HDAC8: variants seen among roughly 807,000 people sequenced by gnomAD.
HDAC8 encodes the protein histone deacetylase 8.
A neutral mutation model predicts 32.2 loss-of-function variants in HDAC8; 1 was observed. The observed-to-expected ratio is 0.03, with a 90% CI of 0.01 to 0.15. HDAC8 has a LOEUF of 0.15. Ranked by LOEUF, HDAC8 falls within the 10% of genes least tolerant of loss-of-function variation. HDAC8 has a pLI of 1.00. For synonymous variants in HDAC8, 108 were observed against 113.9 expected (o/e 0.95, Z 0.33); for missense variants, 117 against 300.0 (o/e 0.39, Z 4.51).
At position 72,329,752 on chromosome X, in the gene HDAC8, A is replaced by G. The variant is rs782754088; in HGVS notation, c.*302T>C. 7 of 1,143,952 alleles carry G rather than the reference A, an allele frequency of 6.1e-6. No homozygotes were observed. The highest frequency in any genetic ancestry group is 2.8e-5 in the Admixed American group (1 of 36,235). The allele number at this position is 1,143,952 out of a possible 1,213,427, so 94.3% of individuals were successfully genotyped here. A position where few individuals can be genotyped will look rare whatever the true frequency, so the allele number is the denominator to read the frequency against. ...AGATGATTAAAATACTCCCCTCCCC[A>G]ATTCGCTTAAAAATAATTTTCAAAG... On this transcript the variant is annotated 3_prime_UTR_variant, in exon 11 of 11. Transcript: ENST00000373573.
rs904181310 is a variant in HDAC8 at position 72,363,731 on chromosome X, C to T, written c.1006-11893G>A. ...GGATTACAGGCGTGGACCACCACAC[C>T]CAGCTAAATTTTTTGTATTTTTAGC... On this transcript the variant is annotated intron_variant, in intron 9 of 10. Transcript: ENST00000373573. Among the ~76,000 whole-genome samples, 3 of 111,436 alleles carry T rather than the reference C, an allele frequency of 2.7e-5. No homozygotes were observed. In the East Asian group the frequency reaches 8.5e-4, roughly 31 times the overall value.
At chrX:72,503,230 G>A (rs908648226) in intron 4 of HDAC8, among the ~76,000 whole-genome samples, 1 of 111,869 alleles carries the variant, frequency 8.9e-6, no homozygotes, top group Non-Finnish European at 1.9e-5. Context: ...TCAGAGTCCC[G>A]TGGAAAAGAA....
chrX:72,499,404 G>A (rs1446744760), intron 4 of HDAC8, among the ~76,000 whole-genome samples: 6 of 111,187 alleles, frequency 5.4e-5, no homozygotes, highest in African/African-American at 1.3e-4. Context: ...CCTAGCAAGC[G>A]CAAAATAACT....
intron 7 of HDAC8, chrX:72,474,760 T>A: frequency 1.1e-6 from 1 of 893,065 alleles, no homozygotes; most frequent in Admixed American, 2.7e-5. Context: ...AGTGGTGACA[T>A]TAATGATGCT....
intron 9 of HDAC8, among the ~76,000 whole-genome samples, chrX:72,405,868 TA>T (rs1283818851): frequency 8.9e-6 from 1 of 112,369 alleles, no homozygotes; most frequent in Non-Finnish European, 1.9e-5. Context: ...TCAATTACTG[TA>T]TTTTTCATTT....
At chrX:72,434,090 C>A in intron 9 of HDAC8, among the ~76,000 whole-genome samples, 1 of 112,099 alleles carries the variant, frequency 8.9e-6, no homozygotes, top group Non-Finnish European at 1.9e-5. Flanking sequence ...TCATGTATTC[C>A]TTAAACCAAA....
At chrX:72,510,226 G>A (rs991768964) in intron 4 of HDAC8, among the ~76,000 whole-genome samples, 1 of 111,838 alleles carries the variant, frequency 8.9e-6, no homozygotes, top group Admixed American at 9.5e-5. Context: ...ATAGGAACAC[G>A]TGTGAAAAAT....
chrX:72,413,708 T>C (rs1456645948), intron 9 of HDAC8, among the ~76,000 whole-genome samples: 1 of 110,970 alleles, frequency 9.0e-6, no homozygotes, highest in African/African-American at 3.3e-5. Flanking sequence ...TATAAGGGGC[T>C]TTCTCCTACC....
chrX:72,534,299 G>GTA (rs1165408754), intron 4 of HDAC8, among the ~76,000 whole-genome samples: 62 of 88,868 alleles, frequency 7.0e-4, no homozygotes, highest in Middle Eastern at 0.01. Flanking sequence ...ATATATATAT[G>GTA]TGTATATATA....
intron 4 of HDAC8, among the ~76,000 whole-genome samples, chrX:72,497,548 T>A (rs2049066905): frequency 8.9e-6 from 1 of 111,979 alleles, no homozygotes; most frequent in South Asian, 3.7e-4. Flanking sequence ...CTTTTCTGAT[T>A]TATCAGTGTT....
intron 9 of HDAC8, among the ~76,000 whole-genome samples, chrX:72,391,242 G>A (rs1268352965): frequency 8.9e-6 from 1 of 112,108 alleles, no homozygotes; most frequent in Non-Finnish European, 1.9e-5. Flanking sequence ...CAAAGCAAGA[G>A]CAGTTTTCCC....
At chrX:72,481,265 G>C (rs2048493102) in intron 7 of HDAC8, among the ~76,000 whole-genome samples, 1 of 110,424 alleles carries the variant, frequency 9.1e-6, no homozygotes, top group South Asian at 3.9e-4. Flanking sequence ...ACAGCATGAG[G>C]GAATTGCCCC....
chrX:72,506,215 G>A (rs1271941379), intron 4 of HDAC8, among the ~76,000 whole-genome samples: 1 of 112,481 alleles, frequency 8.9e-6, no homozygotes, highest in African/African-American at 3.2e-5. Context: ...CTCAAGTCAT[G>A]CATACCTTTT....
Position 72,488,791 on chromosome X carries a change from G to A in HDAC8, c.737+142C>T, listed in dbSNP as rs974292380. 7 of 341,656 alleles carry A rather than the reference G, an allele frequency of 2.0e-5. No homozygotes were observed. The Middle Eastern group carries it at 2.1e-3, about 103-fold the overall frequency. The allele number at this position is 341,656 out of a possible 1,213,427, so 28.2% of individuals were successfully genotyped here. On this transcript the variant is annotated intron_variant, in intron 7 of 10. Coordinates refer to ENST00000373573, the MANE Select transcript of HDAC8 (RefSeq NM_018486.3). ...CAGCGGATAGCTACTGATCAAATAA[G>A]CATAATGACCAGTATACAAAAGCTT...
At chrX:72,388,724 G>T (rs1355113672) in intron 9 of HDAC8, among the ~76,000 whole-genome samples, 2 of 110,839 alleles carry the variant, frequency 1.8e-5, no homozygotes, top group African/African-American at 6.6e-5. Flanking sequence ...GAGCAAGGAA[G>T]TAATTAAGGT....
At chrX:72,432,172 C>T (rs782092064) in intron 9 of HDAC8, among the ~76,000 whole-genome samples, 3 of 110,221 alleles carry the variant, frequency 2.7e-5, no homozygotes, top group Non-Finnish European at 3.8e-5. Flanking sequence ...CAGGGTCTCA[C>T]TATGTTACCC....
At chrX:72,539,369 C>A (rs1556041155) in intron 4 of HDAC8, among the ~76,000 whole-genome samples, 1 of 109,781 alleles carries the variant, frequency 9.1e-6, no homozygotes, top group Admixed American at 9.7e-5. Flanking sequence ...GTAGCTGGGA[C>A]TACAGGCATG....
At chrX:72,524,700 A>T (rs1318905009) in intron 4 of HDAC8, among the ~76,000 whole-genome samples, 1 of 110,849 alleles carries the variant, frequency 9.0e-6, no homozygotes, top group African/African-American at 3.3e-5. Flanking sequence ...GTCCCTTCAC[A>T]ATTCCACGTC....
rs373097057 is a variant in HDAC8, at chrX:72,331,950, T to C, written c.1112-1874A>G. Among the ~76,000 whole-genome samples, 5 of 112,558 alleles carry C rather than the reference T, an allele frequency of 4.4e-5. No homozygotes were observed. In the South Asian group the frequency reaches 1.1e-3, roughly 25 times the overall value. ...CCCATCCCTCCTCCTTCACCATCCC[T>C]AAGTCCCAACAACCATTCATCTGTT... On this transcript the variant is annotated intron_variant, in intron 10 of 10. Coordinates refer to ENST00000373573, the MANE Select transcript of HDAC8 (RefSeq NM_018486.3).
Sources: allele counts gnomAD v4.1 joint callset (sites outside exome capture counted in the v4.1 genomes callset), GRCh38; gene constraint gnomAD v4.1.1; transcripts MANE v1.5; gene names NCBI Gene and HGNC (gene_info 2026-07-23, HGNC 2026-07-21).